FAM76B: variants seen among roughly 807,000 people sequenced by gnomAD.
FAM76B encodes the protein family with sequence similarity 76 member B, also known as protein FAM76B.
FAM76B carries 16 observed loss-of-function variants against 51.8 expected under a neutral mutation model. The ratio of observed to expected loss-of-function variants is 0.31; its 90% CI spans 0.21 to 0.47. The LOEUF is 0.47. FAM76B is among the 20% of genes least tolerant of loss of function. FAM76B has a pLI of 1.00. For synonymous variants in FAM76B, 166 were observed against 129.5 expected, an observed-to-expected ratio of 1.28 and a Z score of -1.91; for missense variants, 342 against 392.6, an observed-to-expected ratio of 0.87 and a Z score of 1.09.
Position 95,786,261 on chromosome 11 carries a change from T to A in FAM76B, c.221A>T (p.Gln74Leu). The A allele has an allele frequency of 6.2e-7, 1 of 1,613,888 alleles. No individual in the cohort carries two copies. Among genetic ancestry groups the A allele is most frequent in the Non-Finnish European group, 8.5e-7 (1 of 1,179,928 alleles). The part of the protein sequence containing the change: ...VKQFGTPKPC[Q>L]YCNIIAAFIG... ...AAATGCTGCAATTATGTTACAGTACTGACAAGGCTTGGGCTGAAAAACATA... is the reference window on the plus strand; with the variant it reads ...AAATGCTGCAATTATGTTACAGTACAGACAAGGCTTGGGCTGAAAAACATA... Residue 74 changes from glutamine to leucine, a missense_variant, in exon 4 of 10, where the codon CAG (glutamine) becomes CTG (leucine). Transcript: ENST00000358780.
chr11:95,785,308 T>C (rs1249485920), intron 4 of FAM76B, among the ~76,000 whole-genome samples: 2 of 152,214 alleles, frequency 1.3e-5, no homozygotes, highest in Admixed American at 1.3e-4. Context: ...GTATCTCCCA[T>C]GGATAAGGTG....
chr11:95,773,156 A>G (rs1859845851), intron 9 of FAM76B, among the ~76,000 whole-genome samples: 2 of 151,152 alleles, frequency 1.3e-5, no homozygotes, highest in South Asian at 4.1e-4. Context: ...AAGTGTTTAT[A>G]ATTTTCATAT....
chr11:95,774,517 C>T (rs1271756297), intron 9 of FAM76B, among the ~76,000 whole-genome samples: 2 of 151,366 alleles, frequency 1.3e-5, no homozygotes, highest in Non-Finnish European at 3.0e-5. Flanking sequence ...ATCTGAGCAC[C>T]TATTGCAGTT....
At chr11:95,782,794 T>G (rs1349790244) in intron 5 of FAM76B, among the ~76,000 whole-genome samples, 4 of 152,220 alleles carry the variant, frequency 2.6e-5, no homozygotes, top group Non-Finnish European at 4.4e-5. Flanking sequence ...TAAGTGTTAA[T>G]TAACTGACGT....
intron 1 of FAM76B, 37 bp downstream of exon 1, chr11:95,789,355 G>A (rs753745315): frequency 2.8e-5 from 43 of 1,560,262 alleles, no homozygotes; most frequent in Non-Finnish European, 3.6e-5. Context: ...CTACGGCCGA[G>A]GACACCCATC....
chr11:95,771,899 C>T (rs181896388), intron 9 of FAM76B, among the ~76,000 whole-genome samples: 29 of 150,864 alleles, frequency 1.9e-4, no homozygotes, highest in Middle Eastern at 3.4e-3. Context: ...CAAAGATGCA[C>T]AATTGGTTAC....
In FAM76B at chr11:95,771,090, AAAGT is replaced by A. The variant is rs1194712447; in HGVS notation, c.*467_*470del. 6.6e-6 allele frequency: 1 copy of A among 151,842 alleles called. No individual in the cohort carries two copies. Among genetic ancestry groups the A allele is most frequent in the Non-Finnish European group, 1.5e-5 (1 of 67,488 alleles). 9.4% of individuals were successfully genotyped at this position (151,842 alleles called of 1,614,324 possible). A position where few individuals can be genotyped will look rare whatever the true frequency, so the allele number is the denominator to read the frequency against. The stretch of plus-strand genomic sequence containing the variant: ...TTTTCTCCTAAATTCATCTTGATGC[AAAGT>A]AAAAACACAATTCCCAAAAAACCAG... On this transcript the variant is annotated 3_prime_UTR_variant, in exon 10 of 10. Transcript: ENST00000358780.
chr11:95,787,696 T>G lies in FAM76B; in HGVS notation c.153-18A>C, dbSNP rs576951495. ...TAGTTTTGCTGAAAAATAAATTGTA[T>G]ATAGATCATGTTTATGTAGCTTTCT... On this transcript the variant is annotated intron_variant, in intron 2 of 9. Transcript: ENST00000358780. The G allele has an allele frequency of 6.3e-7, 1 of 1,582,356 alleles. No homozygotes were observed. Among genetic ancestry groups the G allele is most frequent in the East Asian group, 2.3e-5 (1 of 44,370 alleles).
At position 95,779,542 on chromosome 11, in the gene FAM76B, TG is replaced by T. The variant is rs1350127087; in HGVS notation, c.692+64del. 9.9e-6 allele frequency: 13 copies of T among 1,311,466 alleles called. No individual in the cohort carries two copies. The East Asian group carries it at 3.1e-4, about 31-fold the overall frequency. The allele number at this position is 1,311,466 out of a possible 1,614,324, so 81.2% of individuals were successfully genotyped here. A position where few individuals can be genotyped will look rare whatever the true frequency, so the allele number is the denominator to read the frequency against. ...TTCTATTTTTTTATCTAGTAATAAC[TG>T]GCATTCAACCATAACTATTCAACTA... On this transcript the variant is annotated intron_variant, in intron 7 of 9. Transcript: ENST00000358780.
chr11:95,778,113 T>C (rs143427106), intron 8 of FAM76B, among the ~76,000 whole-genome samples: 2 of 151,612 alleles, frequency 1.3e-5, no homozygotes, highest in East Asian at 3.9e-4. Context: ...CAGAAAATGT[T>C]AGAACTAGGA....
chr11:95,776,179 G>C (rs755627676), intron 8 of FAM76B, among the ~76,000 whole-genome samples, 156 bp from the exon 9 acceptor site: 1 of 151,430 alleles, frequency 6.6e-6, no homozygotes, highest in Non-Finnish European at 1.5e-5. Context: ...AGTTTGTTTG[G>C]TGAAATGATG....
chr11:95,784,890 C>T (rs373850411), intron 4 of FAM76B, among the ~76,000 whole-genome samples: 4 of 151,982 alleles, frequency 2.6e-5, no homozygotes, highest in East Asian at 3.9e-4. Flanking sequence ...CCTGGCCAAT[C>T]GACAGTATAC....
intron 8 of FAM76B, among the ~76,000 whole-genome samples, chr11:95,778,145 A>G (rs920536200): frequency 7.9e-5 from 12 of 151,480 alleles, no homozygotes; most frequent in Non-Finnish European, 1.8e-4. Context: ...GTATGGCTAA[A>G]TTACTTCAAA....
rs374764840 is a variant in FAM76B, at chr11:95,786,142, G to C, written c.340C>G (p.Arg114Gly). ...EQCKQQCAFD[R>G]KEEGRRKVDG... Reference sequence around the variant, plus strand: ...ACCTTTCTTCTTCCTTCCTCCTTCCGATCAAAAGCACATTGCTGTTTGCAC... The same window carrying C: ...ACCTTTCTTCTTCCTTCCTCCTTCCCATCAAAAGCACATTGCTGTTTGCAC... Residue 114 changes from arginine to glycine, a missense_variant, in exon 4 of 10, where the codon CGG (arginine) becomes GGG (glycine). Around this residue, in one of 3 missense-constraint regions of FAM76B, gnomAD observed 230 missense variants for 257.4 expected, o/e 0.89. Transcript: ENST00000358780. 4 of 1,608,324 alleles carry C rather than the reference G, an allele frequency of 2.5e-6. No homozygotes were observed. The East Asian group carries it at 6.7e-5, about 27-fold the overall frequency.
intron 7 of FAM76B, 68 bp from the exon 8 acceptor site, chr11:95,779,025 T>A (rs1860135458): frequency 2.5e-6 from 4 of 1,596,664 alleles, no homozygotes; most frequent in East Asian, 2.2e-5. Flanking sequence ...TCAAATTGCA[T>A]AAATTAGACA....
Position 95,787,666 on chromosome 11 carries a change from T to C in FAM76B, c.165A>G (p.Thr55=). The C allele has an allele frequency of 6.2e-7, 1 of 1,608,152 alleles. No individual in the cohort carries two copies. The highest frequency in any genetic ancestry group is 8.5e-7 in the Non-Finnish European group (1 of 1,176,186). ...SEFQQESKTN[T]ICKKCAQNVK... is the part of the protein sequence containing the mutation. ...CATTTTGAGCACACTTCTTACAAAT[T>C]GTGTTAGTTTTGCTGAAAAATAAAT... Residue 55 remains threonine, a synonymous_variant, in exon 3 of 10, where the codon ACA becomes ACG. Coordinates refer to ENST00000358780, the MANE Select transcript of FAM76B (RefSeq NM_144664.5).
intron 9 of FAM76B, 82 bp from the exon 10 acceptor site, chr11:95,771,732 T>C (rs1455436749): frequency 1.9e-6 from 2 of 1,053,892 alleles, no homozygotes; most frequent in African/African-American, 1.6e-5. Flanking sequence ...TATTTAATAC[T>C]GTTTTCATTT....
intron 4 of FAM76B, among the ~76,000 whole-genome samples, 162 bp downstream of exon 4, chr11:95,785,957 C>T (rs1860553102): frequency 1.3e-5 from 2 of 152,290 alleles, no homozygotes; most frequent in Middle Eastern, 3.4e-3. Context: ...ATGTATCATG[C>T]AAACAAAGAG....
chr11:95,775,572 T>C (rs762857069), intron 9 of FAM76B, among the ~76,000 whole-genome samples: 4 of 151,470 alleles, frequency 2.6e-5, no homozygotes, highest in Non-Finnish European at 4.4e-5. Context: ...GAGGAATGAT[T>C]GCTACTGAAG....
Sources: allele counts gnomAD v4.1 joint callset (sites outside exome capture counted in the v4.1 genomes callset), GRCh38; gene constraint gnomAD v4.1.1; regional missense constraint gnomAD v4.1.1; transcripts MANE v1.5; gene names NCBI Gene and HGNC (gene_info 2026-07-23, HGNC 2026-07-21).